MTHFD1L: variants seen among roughly 807,000 people sequenced by gnomAD.
MTHFD1L encodes methylenetetrahydrofolate dehydrogenase (NADP+ dependent) 1 like.
MTHFD1L carries 81 observed loss-of-function variants against 119.5 expected under a neutral mutation model. The ratio of observed to expected loss-of-function variants is 0.68; its 90% CI spans 0.57 to 0.82. The LOEUF is 0.82. Ranked by LOEUF, MTHFD1L falls within the 40% of genes least tolerant of loss-of-function variation. MTHFD1L has a pLI of 0.00. For synonymous variants in MTHFD1L, 430 were observed against 475.2 expected (o/e 0.90, Z 1.24); for missense variants, 1,125 against 1,253.4 (o/e 0.90, Z 1.55).
At chr6:150,918,168 C>T (rs1029324748) in intron 8 of MTHFD1L, among the ~76,000 whole-genome samples, 3 of 150,208 alleles carry the variant, frequency 2.0e-5, no homozygotes, top group Non-Finnish European at 4.4e-5. Context: ...CAGCTTCAAG[C>T]GATTCTCCTG....
intron 26 of MTHFD1L, among the ~76,000 whole-genome samples, chr6:151,067,221 T>G (rs1169759106): frequency 6.6e-6 from 1 of 152,112 alleles, no homozygotes; most frequent in Non-Finnish European, 1.5e-5. Context: ...CTTGAACTCC[T>G]GACCTCATGA....
chr6:150,979,051 C>G (rs1448464430), intron 20 of MTHFD1L, among the ~76,000 whole-genome samples: 7 of 152,108 alleles, frequency 4.6e-5, no homozygotes, highest in Admixed American at 3.9e-4. Flanking sequence ...ACTAGCCTGA[C>G]CAACATGGTG....
chr6:150,986,677 G>A (rs1483440192), intron 20 of MTHFD1L, among the ~76,000 whole-genome samples: 1 of 152,166 alleles, frequency 6.6e-6, no homozygotes, highest in African/African-American at 2.4e-5. Flanking sequence ...GTTCCTTACA[G>A]GGGCTGCAGA....
chr6:151,091,171 T>C (rs1369460621), intron 26 of MTHFD1L, among the ~76,000 whole-genome samples: 2 of 121,816 alleles, frequency 1.6e-5, no homozygotes, highest in South Asian at 2.8e-4. Context: ...GCAGCATCGT[T>C]CCATGCGACT....
intron 24 of MTHFD1L, among the ~76,000 whole-genome samples, chr6:151,023,539 A>G (rs1258049585): frequency 2.6e-5 from 4 of 152,148 alleles, no homozygotes; most frequent in Admixed American, 2.6e-4. Context: ...TGCACCTGTC[A>G]TGAGCACTGG....
chr6:150,866,492 G>T (rs1326728993), intron 1 of MTHFD1L: 1 of 1,313,132 alleles, frequency 7.6e-7, no homozygotes, highest in East Asian at 3.2e-5. Flanking sequence ...GTTCGGGAAG[G>T]GCAAGCGGAG....
Position 150,926,173 on chromosome 6 carries a change from C to G in MTHFD1L, c.1134C>G (p.Ala378=), listed in dbSNP as rs1165981911. Residue 378 remains alanine, a synonymous_variant, in exon 11 of 28, where the codon GCC becomes GCG. Transcript: ENST00000367321. The surrounding 1 kb of genome is among the most constrained non-coding windows in gnomAD (Gnocchi z 4.3). The part of the protein sequence containing the change: ...GQTPKAVDVL[A]KEIGLLADEI... ...CTCCAAAAGCTGTGGATGTCCTTGCCAAGGAGATTGGATTGCTTGCAGATG... is the reference window on the plus strand; with the variant it reads ...CTCCAAAAGCTGTGGATGTCCTTGCGAAGGAGATTGGATTGCTTGCAGATG... The G allele has an allele frequency of 6.2e-7, 1 of 1,614,002 alleles. No individual in the cohort carries two copies. Among genetic ancestry groups the G allele is most frequent in the East Asian group, 2.2e-5 (1 of 44,872 alleles).
intron 11 of MTHFD1L, chr6:150,935,557 G>T: frequency 6.7e-7 from 1 of 1,492,748 alleles, no homozygotes; most frequent in Non-Finnish European, 9.1e-7. Context: ...AACAGAAAAA[G>T]AAAAGATGAA....
At chr6:151,099,081 C>T (rs1224094754) in intron 27 of MTHFD1L, among the ~76,000 whole-genome samples, 1 of 151,718 alleles carries the variant, frequency 6.6e-6, no homozygotes, top group African/African-American at 2.4e-5. Flanking sequence ...GAAGCTGAAC[C>T]CTGAGAATTG....
At chr6:151,010,266 C>G (rs1782035048) in intron 21 of MTHFD1L, among the ~76,000 whole-genome samples, 2 of 152,176 alleles carry the variant, frequency 1.3e-5, no homozygotes, top group Non-Finnish European at 2.9e-5. Context: ...TTTTTAGTCT[C>G]AAGCTTCACA....
At chr6:151,044,767 A>G (rs962238834) in intron 26 of MTHFD1L, among the ~76,000 whole-genome samples, 3 of 152,106 alleles carry the variant, frequency 2.0e-5, no homozygotes, top group African/African-American at 7.2e-5. Context: ...ACCCAGGTGC[A>G]CCACTGACAT....
chr6:150,943,004 C>T (rs980789170), intron 13 of MTHFD1L, among the ~76,000 whole-genome samples: 3 of 151,944 alleles, frequency 2.0e-5, no homozygotes, highest in Admixed American at 1.3e-4. Flanking sequence ...TCTCAAAGGC[C>T]GGATGTGGTG....
At chr6:151,055,380 G>A (rs1789724566) in intron 26 of MTHFD1L, among the ~76,000 whole-genome samples, 1 of 152,194 alleles carries the variant, frequency 6.6e-6, no homozygotes, top group Non-Finnish European at 1.5e-5. Context: ...TCTTGAGGTA[G>A]ATTAAAATCT....
chr6:150,922,105 C>A, intron 9 of MTHFD1L, 100 bp from the exon 10 acceptor site: 1 of 846,790 alleles, frequency 1.2e-6, no homozygotes, highest in South Asian at 1.6e-5. Context: ...ACTCGATAAT[C>A]TTGTTTTGTA....
intron 6 of MTHFD1L, among the ~76,000 whole-genome samples, chr6:150,887,106 CA>C (rs1172113472): frequency 6.6e-6 from 1 of 151,614 alleles, no homozygotes; most frequent in Non-Finnish European, 1.5e-5. Context: ...ATCCAACAAT[CA>C]AAGAAAAATT....
chr6:150,882,430 GTCCT>G (rs773638929), intron 4 of MTHFD1L, among the ~76,000 whole-genome samples: 43 of 152,332 alleles, frequency 2.8e-4, no homozygotes, highest in Non-Finnish European at 4.9e-4. Context: ...ACAGAGAAGT[GTCCT>G]TTGTCTATCT....
chr6:151,049,489 C>G (rs1788660317), intron 26 of MTHFD1L, among the ~76,000 whole-genome samples: 1 of 67,440 alleles, frequency 1.5e-5, no homozygotes, highest in African/African-American at 5.7e-5. Context: ...GAGACTCCGT[C>G]TCAAAAAAAA....
chr6:151,092,766 G>C (rs1794567492), intron 27 of MTHFD1L, among the ~76,000 whole-genome samples, 179 bp downstream of exon 27: 1 of 151,966 alleles, frequency 6.6e-6, no homozygotes, highest in African/African-American at 2.4e-5. Context: ...GTGTGGCTGT[G>C]AGTTACATGC....
At chr6:150,879,225 C>A (rs1291530434) in intron 4 of MTHFD1L, among the ~76,000 whole-genome samples, 5 of 152,188 alleles carry the variant, frequency 3.3e-5, no homozygotes, top group African/African-American at 1.2e-4. Flanking sequence ...ATGATACCAG[C>A]AGTGACAGCA....
Sources: gnomAD v4.1 joint callset for allele counts (sites outside exome capture counted in the v4.1 genomes callset) on GRCh38, gnomAD v4.1.1 for gene constraint, Gnocchi (gnomAD v3.1) non-coding constraint, MANE v1.5 for transcripts, NCBI Gene and HGNC (gene_info 2026-07-23, HGNC 2026-07-21) for gene names.